The following WWC1 variants were observed in gnomAD, a reference collection of about 807,000 sequenced individuals.
WWC1 encodes protein KIBRA.
WWC1 carries 55 observed loss-of-function variants against 138.4 expected under a neutral mutation model. That is an observed-to-expected ratio of 0.40 (90% CI 0.32 to 0.50). The LOEUF (loss-of-function observed/expected upper bound fraction) is 0.50. WWC1 is among the 20% of genes least tolerant of loss of function. The probability of loss-of-function intolerance (pLI) is 0.72; values close to 1 mark genes in which losing one functional copy is unlikely to be tolerated. For synonymous variants in WWC1, 524 were observed against 564.9 expected (o/e 0.93, Z 1.03); for missense variants, 1,226 against 1,420.4 (o/e 0.86, Z 2.20).
intron 2 of WWC1, among the ~76,000 whole-genome samples, chr5:168,373,824 A>G (rs1776952006): frequency 1.3e-5 from 2 of 149,442 alleles, no homozygotes; most frequent in Admixed American, 1.3e-4. Context: ...AGGTGGGCGG[A>G]TCACGAGGTC....
chr5:168,441,762 A>C lies in WWC1; in HGVS notation c.2361A>C (p.Lys787Asn). The change falls in exon 16 of 23, where the codon AAA (lysine) becomes AAC (asparagine). Residue 787 changes from lysine to asparagine, a missense_variant. Physicochemically the swap from Lys to Asn is moderately conservative, Grantham distance 94. Coordinates refer to ENST00000265293, the MANE Select transcript of WWC1 (RefSeq NM_015238.3). ...STRWYNLLSYKYLKKQSRELK... is the reference protein window; with the variant it reads ...STRWYNLLSYNYLKKQSRELK... ...GCTGGTACAACCTTCTCAGCTACAA[A>C]TACTTGAAGAAACAGAGCAGGGAGC... 6.2e-7 allele frequency: 1 copy of C among 1,614,134 alleles called. No individual in the cohort carries two copies. Among genetic ancestry groups the C allele is most frequent in the Non-Finnish European group, 8.5e-7 (1 of 1,180,010 alleles).
chr5:168,394,005 G>A (rs1026584860), intron 3 of WWC1, among the ~76,000 whole-genome samples: 10 of 152,242 alleles, frequency 6.6e-5, no homozygotes, highest in Non-Finnish European at 1.0e-4. Context: ...AGTGTTTGCA[G>A]AGTAAAAATA....
At chr5:168,440,858 A>C (rs528652713) in intron 15 of WWC1, among the ~76,000 whole-genome samples, 1 of 152,322 alleles carries the variant, frequency 6.6e-6, no homozygotes, top group African/African-American at 2.4e-5. Flanking sequence ...ACTCATGTTC[A>C]TGGCAACACT....
chr5:168,372,929 CGTGCATGA>C (rs1404129827), intron 2 of WWC1, among the ~76,000 whole-genome samples: 7 of 152,198 alleles, frequency 4.6e-5, no homozygotes, highest in Non-Finnish European at 1.0e-4. Context: ...AAAGGGCATA[CGTGCATGA>C]ATGCATGAAT....
intron 1 of WWC1, among the ~76,000 whole-genome samples, chr5:168,336,582 A>C (rs1031513464): frequency 1.3e-5 from 2 of 150,106 alleles, no homozygotes; most frequent in Admixed American, 6.6e-5. Context: ...AAAAAAAAAA[A>C]AAAAAAAAAA....
In WWC1 at chr5:168,426,347, C is replaced by A. The variant is rs1156662319; in HGVS notation, c.1811-1686C>A. 2.6e-5 allele frequency among the ~76,000 whole-genome samples: 4 copies of A among 152,204 alleles called. No individual in the cohort carries two copies. In the East Asian group the frequency reaches 7.7e-4, roughly 29 times the overall value. On this transcript the variant is annotated intron_variant, in intron 11 of 22. Coordinates refer to ENST00000265293, the MANE Select transcript of WWC1 (RefSeq NM_015238.3). The stretch of plus-strand genomic sequence containing the variant: ...CATGCCTCTGATATCAATATTAAGC[C>A]AAGTCAGGACACTCAGACCCCAGCT...
chr5:168,296,697 G>A (rs1217030897), intron 1 of WWC1, among the ~76,000 whole-genome samples: 4 of 152,040 alleles, frequency 2.6e-5, no homozygotes, highest in African/African-American at 9.7e-5. Context: ...AACAACCCTG[G>A]GACTAGGTAC....
chr5:168,462,685 AT>A (rs1473206113), intron 20 of WWC1, among the ~76,000 whole-genome samples: 2 of 152,186 alleles, frequency 1.3e-5, no homozygotes, highest in African/African-American at 4.8e-5. Context: ...GAATGACTTA[AT>A]AAGGGAGCCC....
In WWC1 at chr5:168,325,484, G is replaced by A. The variant is rs537845862; in HGVS notation, c.119+33213G>A. On this transcript the variant is annotated intron_variant, in intron 1 of 22. Transcript: ENST00000265293. ...GACAGGAGCTGAGTCAGCACCAGGT[G>A]GGGCAGTGGGGAGGGGAATTTTTAA... Among the ~76,000 whole-genome samples, 36 of 152,238 alleles carry A rather than the reference G, an allele frequency of 2.4e-4. No homozygotes were observed. The South Asian group carries it at 2.7e-3, about 11-fold the overall frequency.
At chr5:168,359,501 A>T (rs1561655651) in intron 1 of WWC1, among the ~76,000 whole-genome samples, 1 of 152,196 alleles carries the variant, frequency 6.6e-6, no homozygotes, top group South Asian at 2.1e-4. Flanking sequence ...ATTGATGGAC[A>T]TATGGATTGT....
At chr5:168,395,819 A>C (rs1012158871) in intron 3 of WWC1, among the ~76,000 whole-genome samples, 2 of 152,334 alleles carry the variant, frequency 1.3e-5, no homozygotes, top group South Asian at 4.1e-4. Context: ...GAAATGCAAC[A>C]CTTCTTGTGG....
At chr5:168,438,789 G>A (rs1380531541) in intron 15 of WWC1, among the ~76,000 whole-genome samples, 1 of 151,486 alleles carries the variant, frequency 6.6e-6, no homozygotes, top group East Asian at 1.9e-4. Context: ...TAGGAAGGCT[G>A]TAGGGGAAAA....
intron 17 of WWC1, among the ~76,000 whole-genome samples, chr5:168,447,970 C>T (rs1031916695): frequency 3.3e-5 from 5 of 152,154 alleles, no homozygotes; most frequent in Non-Finnish European, 5.9e-5. Context: ...GACCTATCTC[C>T]CAAAACCCTG....
In WWC1 at chr5:168,422,101, A is replaced by T. The variant is rs1781133996; in HGVS notation, c.1274+4A>T. The T allele has an allele frequency of 5.6e-6, 9 of 1,612,388 alleles. No homozygotes were observed. Among genetic ancestry groups the T allele is most frequent in the Non-Finnish European group, 7.6e-6 (9 of 1,179,066 alleles). Reference sequence around the variant, plus strand: ...CTCTGCACTCCCAGCTGAAAAGGTGAGTGGTGGGCGGTGAGGCCACTGCTC... The same window carrying T: ...CTCTGCACTCCCAGCTGAAAAGGTGTGTGGTGGGCGGTGAGGCCACTGCTC... On this transcript the variant is annotated splice_donor_region_variant and intron_variant, in intron 10 of 22. Coordinates refer to ENST00000265293, the MANE Select transcript of WWC1 (RefSeq NM_015238.3).
intron 20 of WWC1, among the ~76,000 whole-genome samples, chr5:168,463,141 A>G (rs1756966681): frequency 6.6e-6 from 1 of 152,226 alleles, no homozygotes; most frequent in African/African-American, 2.4e-5. Context: ...CCACAAACTT[A>G]GCAGCCTAAA....
chr5:168,377,012 A>G (rs576339081), intron 2 of WWC1, among the ~76,000 whole-genome samples: 1 of 152,348 alleles, frequency 6.6e-6, no homozygotes, highest in Non-Finnish European at 1.5e-5. Context: ...GAGGCATCAT[A>G]TTATCCAACT....
At chr5:168,319,289 G>A (rs977877976) in intron 1 of WWC1, among the ~76,000 whole-genome samples, 4 of 152,042 alleles carry the variant, frequency 2.6e-5, no homozygotes, top group African/African-American at 7.2e-5. Context: ...ACGTGGTGGC[G>A]GGTGCCTGTA....
intron 1 of WWC1, among the ~76,000 whole-genome samples, chr5:168,307,982 G>A (rs141158843): frequency 3.9e-4 from 60 of 152,244 alleles, no homozygotes; most frequent in Non-Finnish European, 7.1e-4. Flanking sequence ...GAAAGGCTTC[G>A]TGAGAACCAA....
intron 1 of WWC1, among the ~76,000 whole-genome samples, chr5:168,354,005 T>G: frequency 6.6e-6 from 1 of 152,206 alleles, no homozygotes; most frequent in East Asian, 1.9e-4. Context: ...AAAAGATATT[T>G]GGAAATAAGC....
Sources: allele counts gnomAD v4.1 joint callset (sites outside exome capture counted in the v4.1 genomes callset), GRCh38; gene constraint gnomAD v4.1.1; transcripts MANE v1.5; gene names NCBI Gene and HGNC (gene_info 2026-07-23, HGNC 2026-07-21).